The following MYO18B variants were observed in gnomAD, a reference collection of about 807,000 sequenced individuals.
The protein encoded by MYO18B is myosin XVIIIB.
Under a neutral mutation model 273.0 loss-of-function variants are expected in MYO18B, and 204 were observed. The observed-to-expected ratio is 0.75, with a 90% CI of 0.67 to 0.84. The LOEUF (loss-of-function observed/expected upper bound fraction) is 0.84, where lower values mean the gene tolerates loss of function less well. MYO18B is among the 40% of genes least tolerant of loss of function. The pLI, the probability that MYO18B is intolerant of heterozygous loss-of-function variation, is 0.00. For missense variants in MYO18B, 3,212 were observed against 3,287.6 expected (o/e 0.98, Z 0.56); for synonymous variants, 1,330 against 1,305.7 (o/e 1.02, Z -0.40).
At chr22:25,970,484 C>G (rs1428241352) in intron 39 of MYO18B, among the ~76,000 whole-genome samples, 1 of 152,152 alleles carries the variant, frequency 6.6e-6, no homozygotes, top group Non-Finnish European at 1.5e-5. Flanking sequence ...CTTCTCCAGC[C>G]TTGTCTTGGC....
chr22:25,977,357 G>GTC (rs1245412602), intron 39 of MYO18B, among the ~76,000 whole-genome samples: 4 of 146,266 alleles, frequency 2.7e-5, no homozygotes, highest in Non-Finnish European at 4.5e-5. Flanking sequence ...GGGTTGCTGT[G>GTC]TCTGTAACCC....
chr22:26,008,179 A>G (rs1228345490), intron 42 of MYO18B, among the ~76,000 whole-genome samples: 1 of 152,122 alleles, frequency 6.6e-6, no homozygotes, highest in African/African-American at 2.4e-5. Context: ...GCCATGCTTT[A>G]TTTAACTATA....
chr22:25,887,490 G>T (rs954635112), intron 25 of MYO18B, among the ~76,000 whole-genome samples: 6 of 152,116 alleles, frequency 3.9e-5, no homozygotes, highest in Admixed American at 6.6e-5. Context: ...TCAATAGAAA[G>T]AATATTTCTG....
At position 25,828,953 on chromosome 22, in the gene MYO18B, A is replaced by G. The variant is rs896528259; in HGVS notation, c.2964A>G (p.Leu988=). ...LFYQRTFVST[L]QRYQEEGVPV... The stretch of plus-strand genomic sequence containing the variant: ...ACCAGCGGACCTTTGTCTCCACGCT[A>G]CAGCGATATCAAGAGGTATGCCTGG... The change falls in exon 15 of 44, where the codon CTA becomes CTG. Residue 988 remains leucine (L), a synonymous_variant. Transcript: ENST00000335473. The G allele has an allele frequency of 9.3e-6, 15 of 1,613,860 alleles. No homozygotes were observed. The highest frequency in any genetic ancestry group is 1.3e-5 in the Non-Finnish European group (15 of 1,179,906).
Position 25,761,350 on chromosome 22 carries a change from G to C in MYO18B, c.39+219G>C, listed in dbSNP as rs5761166. 0.24 allele frequency among the ~76,000 whole-genome samples: 36,922 copies of C among 151,738 alleles called. 4,772 individuals are homozygous for C. Among genetic ancestry groups the C allele is most frequent in the African/African-American group, 0.34 (14,180 of 41,236 alleles). On this transcript the variant is annotated intron_variant, in intron 2 of 43. Transcript: ENST00000335473. Reference sequence around the variant, plus strand: ...ATGGCCATACCCTTGACGCCCCCCCGAGGGCTGCCTGGTTGTTTCCTGTTC... The same window carrying C: ...ATGGCCATACCCTTGACGCCCCCCCCAGGGCTGCCTGGTTGTTTCCTGTTC...
At chr22:25,901,717 C>T (rs2091938982) in intron 29 of MYO18B, among the ~76,000 whole-genome samples, 1 of 151,230 alleles carries the variant, frequency 6.6e-6, no homozygotes, top group African/African-American at 2.4e-5. Context: ...GTTCATTGGT[C>T]AGGAAATATT....
chr22:25,755,949 G>C (rs944954116), intron 1 of MYO18B, among the ~76,000 whole-genome samples: 3 of 151,640 alleles, frequency 2.0e-5, no homozygotes, highest in Admixed American at 2.0e-4. Context: ...CCAGGCTGGA[G>C]TGCAGTGGCA....
At chr22:26,045,552 T>A in the MYO18B span, among the ~76,000 whole-genome samples, 3 of 152,140 alleles carry the variant, frequency 2.0e-5, no homozygotes, top group African/African-American at 7.2e-5. Context: ...AAAACTTTCC[T>A]ATATAGGAAT....
At chr22:25,973,667 C>T (rs2093059234) in intron 39 of MYO18B, among the ~76,000 whole-genome samples, 1 of 152,208 alleles carries the variant, frequency 6.6e-6, no homozygotes, top group Non-Finnish European at 1.5e-5. Flanking sequence ...TGATCAATAG[C>T]TATGTGTGGC....
chr22:25,956,330 C>T (rs1051756384), intron 39 of MYO18B, among the ~76,000 whole-genome samples: 25 of 151,846 alleles, frequency 1.6e-4, no homozygotes, highest in African/African-American at 4.8e-4. Context: ...ATTCTCGTGG[C>T]TCAGCTTCCT....
intron 40 of MYO18B, among the ~76,000 whole-genome samples, chr22:26,001,607 G>T (rs1259435132): frequency 6.6e-6 from 1 of 152,212 alleles, no homozygotes; most frequent in Non-Finnish European, 1.5e-5. Context: ...TTCCCTATTG[G>T]CTGAGTCCAA....
At chr22:25,787,564 G>A (rs5752207) in intron 11 of MYO18B, among the ~76,000 whole-genome samples, 52,513 of 151,940 alleles carry the variant, frequency 0.35, 9,645 homozygotes, top group East Asian at 0.62. Flanking sequence ...GTATGGGCAA[G>A]CCTGGAGAGT....
intron 8 of MYO18B, 89 bp from the exon 9 acceptor site, chr22:25,779,967 A>T (rs2087065540): frequency 6.9e-7 from 1 of 1,452,020 alleles, no homozygotes; most frequent in African/African-American, 1.4e-5. Flanking sequence ...TGGCCCAAGC[A>T]GGGGCCGTGG....
At chr22:26,063,328 A>G in the MYO18B span, among the ~76,000 whole-genome samples, 1 of 152,212 alleles carries the variant, frequency 6.6e-6, no homozygotes, top group Non-Finnish European at 1.5e-5. Context: ...GCGTGAAGAG[A>G]ACAATGAAAA....
chr22:25,935,841 A>AC (rs2092570180), intron 34 of MYO18B, among the ~76,000 whole-genome samples: 1 of 152,044 alleles, frequency 6.6e-6, no homozygotes, highest in Non-Finnish European at 1.5e-5. Context: ...TGGGTTAGAG[A>AC]CCTATGCATG....
At chr22:25,803,295 G>A (rs1362479502) in intron 12 of MYO18B, among the ~76,000 whole-genome samples, 3 of 152,160 alleles carry the variant, frequency 2.0e-5, no homozygotes, top group Non-Finnish European at 4.4e-5. Flanking sequence ...TGTAGTGTTT[G>A]CAAGAGTCAT....
intron 23 of MYO18B, among the ~76,000 whole-genome samples, chr22:25,875,581 C>T (rs1281979903): frequency 6.6e-6 from 1 of 152,182 alleles, no homozygotes; most frequent in Non-Finnish European, 1.5e-5. Flanking sequence ...ATCAGCATCA[C>T]CTGGGGATTT....
chr22:25,802,726 C>A lies in MYO18B; in HGVS notation c.2521+4629C>A, dbSNP rs2088262287. On this transcript the variant is annotated intron_variant, in intron 12 of 43. Coordinates refer to ENST00000335473, the MANE Select transcript of MYO18B (RefSeq NM_032608.7). ...TGAGATCGCGCTGCTGCACTCCAGC[C>A]TGGGCGACAGAGCAAGACTCTGTCT... 2.2e-5 allele frequency among the ~76,000 whole-genome samples: 3 copies of A among 138,934 alleles called. No individual in the cohort carries two copies. In the South Asian group the frequency reaches 7.2e-4, roughly 34 times the overall value. The allele number at this position is 138,934 out of a possible 152,430, so 91.1% of individuals were successfully genotyped here. A position where few individuals can be genotyped will look rare whatever the true frequency, so the allele number is the denominator to read the frequency against.
chr22:25,948,951 C>T (rs1178185148), intron 36 of MYO18B, among the ~76,000 whole-genome samples: 1 of 151,800 alleles, frequency 6.6e-6, no homozygotes, highest in Non-Finnish European at 1.5e-5. Flanking sequence ...GGGTGCCTTC[C>T]AAGCAGAGGA....
Sources: allele counts gnomAD v4.1 joint callset (sites outside exome capture counted in the v4.1 genomes callset), GRCh38; gene constraint gnomAD v4.1.1; transcripts MANE v1.5; gene names NCBI Gene and HGNC (gene_info 2026-07-23, HGNC 2026-07-21).